Variants in LRRC37A observed in about 807,000 individuals in gnomAD.
The protein encoded by LRRC37A is leucine rich repeat containing 37A, also known as leucine-rich repeat-containing protein 37A.
Under a neutral mutation model 35.4 loss-of-function variants are expected in LRRC37A, and 3 were observed. The observed-to-expected ratio is 0.08, with a 90% CI of 0.04 to 0.22. The LOEUF (loss-of-function observed/expected upper bound fraction) is 0.22. Among genes scored for constraint, LRRC37A ranks in the 10% least tolerant of loss-of-function variants. LRRC37A has a pLI of 1.00. For missense variants in LRRC37A, 67 were observed against 565.3 expected (o/e 0.12, Z 8.94); for synonymous variants, 23 against 215.0 (o/e 0.11, Z 7.81).
chr17:46,279,191 T>C, the LRRC37A span, among the ~76,000 whole-genome samples: 4 of 150,958 alleles, frequency 2.6e-5, no homozygotes, highest in Admixed American at 1.3e-4. Flanking sequence ...TTTCTTTTTT[T>C]TTTTTTTTTT....
chr17:46,250,255 C>G, the LRRC37A span, among the ~76,000 whole-genome samples: 1 of 152,220 alleles, frequency 6.6e-6, no homozygotes, highest in Non-Finnish European at 1.5e-5. Context: ...TCATCGTCCT[C>G]GGGCCACTGG....
rs1162973549 is a variant in LRRC37A at position 46,304,634 on chromosome 17, G to T, written c.2754-875G>T. Among the ~76,000 whole-genome samples the T allele has an allele frequency of 4.4e-5, 3 of 67,822 alleles. 1 individual carries two copies. Among genetic ancestry groups the T allele is most frequent in the Admixed American group, 3.2e-4 (2 of 6,200 alleles). The allele number at this position is 67,822 out of a possible 152,430, so 44.5% of individuals were successfully genotyped here. A position where few individuals can be genotyped will look rare whatever the true frequency, so the allele number is the denominator to read the frequency against. ...CAAACTCCATCACTGTATAACTGAA[G>T]AAATTTTTTTTTATGAAATATTAAA... On this transcript the variant is annotated intron_variant, in intron 3 of 13. Transcript: ENST00000320254.
At chr17:46,278,423 A>G in the LRRC37A span, among the ~76,000 whole-genome samples, 16,453 of 135,714 alleles carry the variant, frequency 0.12, no homozygotes, top group Middle Eastern at 0.18. Flanking sequence ...TTGTTGTTTT[A>G]AGATGGAGTC....
chr17:46,284,975 C>G, the LRRC37A span, among the ~76,000 whole-genome samples: 1 of 152,168 alleles, frequency 6.6e-6, no homozygotes, highest in Non-Finnish European at 1.5e-5. Flanking sequence ...GTGATCCTCT[C>G]ACCTCAGCCT....
chr17:46,284,187 C>T, the LRRC37A span, among the ~76,000 whole-genome samples: 66 of 152,356 alleles, frequency 4.3e-4, no homozygotes, highest in Middle Eastern at 0.01. Context: ...GGGGGACGGT[C>T]AGGTCTTTCC....
the LRRC37A span, among the ~76,000 whole-genome samples, chr17:46,252,695 G>A: frequency 6.6e-6 from 1 of 151,386 alleles, no homozygotes; most frequent in Non-Finnish European, 1.5e-5. Context: ...TGGGGGTAAG[G>A]TCACAGATCA....
the LRRC37A span, chr17:46,268,741 G>T: frequency 7.6e-7 from 1 of 1,307,712 alleles, no homozygotes; most frequent in Non-Finnish European, 1.0e-6. Context: ...TCGGCAACAA[G>T]ACATGAAAGG....
chr17:46,253,199 G>C, the LRRC37A span, among the ~76,000 whole-genome samples: 18 of 147,732 alleles, frequency 1.2e-4, no homozygotes, highest in Admixed American at 1.2e-3. Flanking sequence ...GGGGCGGCGG[G>C]GCAGAGGCGC....
At chr17:46,270,635 G>A in the LRRC37A span, among the ~76,000 whole-genome samples, 1 of 152,254 alleles carries the variant, frequency 6.6e-6, no homozygotes, top group Non-Finnish European at 1.5e-5. Context: ...TAGGCCGGGA[G>A]CTGTGACTCA....
the LRRC37A span, among the ~76,000 whole-genome samples, chr17:46,272,332 T>C: frequency 3.9e-5 from 6 of 152,250 alleles, no homozygotes; most frequent in Non-Finnish European, 8.8e-5. Context: ...TATATAGATC[T>C]TAATAGCAGA....
the LRRC37A span, among the ~76,000 whole-genome samples, chr17:46,250,655 G>A: frequency 3.3e-5 from 5 of 152,130 alleles, no homozygotes; most frequent in Admixed American, 1.3e-4. Flanking sequence ...GCCTGCAGAC[G>A]GCCTATTGTG....
the LRRC37A span, among the ~76,000 whole-genome samples, chr17:46,250,798 G>A: frequency 6.6e-6 from 1 of 152,206 alleles, no homozygotes; most frequent in South Asian, 2.1e-4. Context: ...GGAGGCTCAG[G>A]CAGGAGGATG....
chr17:46,289,242 A>G, upstream of LRRC37A, among the ~76,000 whole-genome samples: 1 of 152,106 alleles, frequency 6.6e-6, no homozygotes, highest in Admixed American at 6.5e-5. Context: ...GACTGCAGTG[A>G]CATAAACACG....
upstream of LRRC37A, among the ~76,000 whole-genome samples, chr17:46,291,136 C>T (rs1470773484): frequency 2.6e-5 from 4 of 152,184 alleles, no homozygotes; most frequent in Admixed American, 1.3e-4. Context: ...AGAGACTGAA[C>T]TTCTTCTTTG....
chr17:46,255,418 T>C, the LRRC37A span, among the ~76,000 whole-genome samples: 1 of 144,000 alleles, frequency 6.9e-6, no homozygotes, highest in Non-Finnish European at 1.5e-5. Flanking sequence ...CAGGCTAGAG[T>C]GCAGTGGCGC....
At chr17:46,284,652 C>G in the LRRC37A span, among the ~76,000 whole-genome samples, 1 of 152,200 alleles carries the variant, frequency 6.6e-6, no homozygotes. Context: ...TGAGCTGTCA[C>G]TGAGTGATGC....
At chr17:46,287,173 G>A in the LRRC37A span, among the ~76,000 whole-genome samples, 8 of 152,154 alleles carry the variant, frequency 5.3e-5, no homozygotes, top group Admixed American at 3.9e-4. Context: ...CACTCACATG[G>A]GTTTCAACAA....
chr17:46,284,832 A>G, the LRRC37A span, among the ~76,000 whole-genome samples: 1 of 152,250 alleles, frequency 6.6e-6, no homozygotes, highest in East Asian at 1.9e-4. Flanking sequence ...TATGATAAAA[A>G]TAGAAGAAAG....
the LRRC37A span, among the ~76,000 whole-genome samples, chr17:46,254,016 C>T: frequency 6.6e-6 from 1 of 152,244 alleles, no homozygotes; most frequent in Admixed American, 6.5e-5. Flanking sequence ...GAGGGCGCTG[C>T]TCCAAGGTGA....
Sources: allele counts gnomAD v4.1 joint callset (sites outside exome capture counted in the v4.1 genomes callset), GRCh38; gene constraint gnomAD v4.1.1; transcripts MANE v1.5; gene names NCBI Gene and HGNC (gene_info 2026-07-23, HGNC 2026-07-21).